The following DIS3L2 variants were observed in gnomAD, a reference collection of about 807,000 sequenced individuals.
The protein encoded by DIS3L2 is DIS3-like exonuclease 2.
In DIS3L2, 34 loss-of-function variants were observed where a neutral mutation model predicts 97.5. That is an observed-to-expected ratio of 0.35 (90% CI 0.27 to 0.46). DIS3L2 has a LOEUF of 0.46. DIS3L2 is among the 20% of genes least tolerant of loss of function. DIS3L2 has a pLI of 1.00. For missense variants in DIS3L2, 1,038 were observed against 1,146.0 expected, an observed-to-expected ratio of 0.91 and a Z score of 1.36; for synonymous variants, 435 against 445.2, an observed-to-expected ratio of 0.98 and a Z score of 0.29.
At chr2:232,217,522 C>T (rs916126294) in intron 10 of DIS3L2, among the ~76,000 whole-genome samples, 3 of 152,240 alleles carry the variant, frequency 2.0e-5, no homozygotes, top group Non-Finnish European at 4.4e-5. Flanking sequence ...GACTGCCTCA[C>T]GCTTCTGATG....
At chr2:232,138,029 AG>A (rs1419434451) in intron 8 of DIS3L2, among the ~76,000 whole-genome samples, 1 of 152,206 alleles carries the variant, frequency 6.6e-6, no homozygotes, top group Non-Finnish European at 1.5e-5. Context: ...ACATCAAACC[AG>A]GAAATCCAGC....
intron 10 of DIS3L2, among the ~76,000 whole-genome samples, chr2:232,216,830 TCTCCC>T (rs533291144): frequency 7.4e-4 from 99 of 134,206 alleles, no homozygotes; most frequent in African/African-American, 2.0e-3. Context: ...CCTCCTCTCC[TCTCCC>T]CTCCCCTCCC....
chr2:232,015,816 G>C, intron 3 of DIS3L2, 145 bp downstream of exon 3: 1 of 838,196 alleles, frequency 1.2e-6, no homozygotes, highest in Admixed American at 2.7e-5. Flanking sequence ...TAACAGAGAT[G>C]ATGAGGTAAC....
intron 13 of DIS3L2, among the ~76,000 whole-genome samples, chr2:232,279,504 GTGTTTGTTTGTT>G (rs112447261): frequency 0.012 from 1,737 of 149,718 alleles, 40 homozygotes; most frequent in East Asian, 0.1. Flanking sequence ...ATTGGTGTGT[GTGTTTGTTTGTT>G]TGTTTGTTTG....
intron 1 of DIS3L2, among the ~76,000 whole-genome samples, chr2:231,986,488 C>T (rs1693418084): frequency 1.3e-5 from 2 of 152,160 alleles, no homozygotes; most frequent in Non-Finnish European, 2.9e-5. Flanking sequence ...AGTACAGGGG[C>T]TGGTCTGGGT....
chr2:232,049,363 G>T (rs1695336824), intron 5 of DIS3L2, among the ~76,000 whole-genome samples: 1 of 152,188 alleles, frequency 6.6e-6, no homozygotes, highest in Non-Finnish European at 1.5e-5. Flanking sequence ...CAGAATTCAT[G>T]TGTTAGAAAC....
intron 13 of DIS3L2, among the ~76,000 whole-genome samples, chr2:232,270,724 C>T (rs1037682677): frequency 5.3e-5 from 8 of 152,252 alleles, no homozygotes; most frequent in African/African-American, 2.4e-5. Flanking sequence ...CATATTGCCA[C>T]ATTCCCTTCC....
intron 6 of DIS3L2, among the ~76,000 whole-genome samples, chr2:232,108,941 A>G (rs1697439192): frequency 1.3e-5 from 2 of 152,252 alleles, no homozygotes; most frequent in African/African-American, 4.8e-5. Flanking sequence ...TTCCATGCTC[A>G]TGGATTGGAA....
intron 13 of DIS3L2, among the ~76,000 whole-genome samples, chr2:232,290,459 C>T (rs988595861): frequency 2.0e-5 from 3 of 152,112 alleles, no homozygotes; most frequent in Admixed American, 6.5e-5. Flanking sequence ...AACTCTCCTG[C>T]CATAGACGTG....
chr2:232,062,861 TTTCCCTTCC>T (rs551546632), intron 5 of DIS3L2, among the ~76,000 whole-genome samples: 1 of 152,058 alleles, frequency 6.6e-6, no homozygotes, highest in African/African-American at 2.4e-5. Context: ...CTCTCTCTCC[TTTCCCTTCC>T]TTCCCTTCCT....
chr2:232,172,856 T>G, intron 9 of DIS3L2: 1 of 496,132 alleles, frequency 2.0e-6, no homozygotes, highest in South Asian at 1.5e-5. Flanking sequence ...TGATTTGCAT[T>G]TCTGTCATGA....
At chr2:231,968,855 A>G (rs1047609030) in intron 1 of DIS3L2, among the ~76,000 whole-genome samples, 2 of 152,178 alleles carry the variant, frequency 1.3e-5, no homozygotes, top group Non-Finnish European at 2.9e-5. Flanking sequence ...TTAGGTCCCC[A>G]CCCAAATTTC....
chr2:232,337,647 A>G (rs562860810), downstream of DIS3L2, among the ~76,000 whole-genome samples: 22 of 151,874 alleles, frequency 1.4e-4, no homozygotes, highest in African/African-American at 4.1e-4. Context: ...CGTCCCCGAG[A>G]GCTGCCAGAA....
chr2:231,984,224 T>C (rs1175972749), intron 1 of DIS3L2, among the ~76,000 whole-genome samples: 1 of 152,014 alleles, frequency 6.6e-6, no homozygotes, highest in Admixed American at 6.6e-5. Flanking sequence ...TTTATCATTA[T>C]TCATATGTTA....
At chr2:232,009,050 C>T (rs1445144527) in intron 1 of DIS3L2, among the ~76,000 whole-genome samples, 1 of 151,966 alleles carries the variant, frequency 6.6e-6, no homozygotes, top group Non-Finnish European at 1.5e-5. Context: ...TTGAAATTTC[C>T]ATTTGGCTCT....
intron 14 of DIS3L2, among the ~76,000 whole-genome samples, chr2:232,320,087 A>G (rs1575016533): frequency 4.4e-5 from 3 of 68,414 alleles, no homozygotes; most frequent in South Asian, 5.6e-4. Context: ...CACCCACCCT[A>G]CCCCTTCCTG....
chr2:232,084,331 T>G (rs186607272), intron 5 of DIS3L2, among the ~76,000 whole-genome samples: 451 of 152,264 alleles, frequency 3.0e-3, no homozygotes, highest in African/African-American at 9.9e-3. Context: ...GTGTTTTTTT[T>G]GGGTTTGGGA....
intron 5 of DIS3L2, among the ~76,000 whole-genome samples, chr2:232,067,291 T>A (rs1311034640): frequency 6.6e-6 from 1 of 152,234 alleles, no homozygotes; most frequent in African/African-American, 2.4e-5. Context: ...TCATTTTCTC[T>A]AGACGCTACT....
intron 15 of DIS3L2, 109 bp from the exon 16 acceptor site, chr2:232,330,581 C>A: frequency 1.7e-6 from 2 of 1,161,778 alleles, no homozygotes; most frequent in Non-Finnish European, 2.6e-6. Flanking sequence ...GCCCCACAGG[C>A]AACTCCTCCC....
Sources: gnomAD v4.1 joint callset for allele counts (sites outside exome capture counted in the v4.1 genomes callset) on GRCh38, gnomAD v4.1.1 for gene constraint, MANE v1.5 for transcripts, NCBI Gene and HGNC (gene_info 2026-07-23, HGNC 2026-07-21) for gene names.